Variants in RALYL observed in about 807,000 individuals in gnomAD.
The protein encoded by RALYL is RNA-binding Raly-like protein.
In RALYL, 29 loss-of-function variants were observed where a neutral mutation model predicts 35.1. The observed-to-expected ratio is 0.83, with a 90% CI of 0.61 to 1.13. RALYL has a LOEUF of 1.13. Ranked by LOEUF, RALYL falls within the 50% of genes most tolerant of loss-of-function variation. The probability of loss-of-function intolerance (pLI) is 0.00; values close to 1 mark genes in which losing one functional copy is unlikely to be tolerated. For missense variants in RALYL, 359 were observed against 360.4 expected (o/e 1.00, Z 0.03); for synonymous variants, 120 against 127.6 (o/e 0.94, Z 0.40).
chr8:84,487,291 C>T (rs1341688467), intron 1 of RALYL, among the ~76,000 whole-genome samples: 1 of 151,976 alleles, frequency 6.6e-6, no homozygotes, highest in Non-Finnish European at 1.5e-5. Context: ...TTTTGAGTCG[C>T]CTGCACCCTG....
At position 84,892,202 on chromosome 8, in the gene RALYL, C is replaced by T. The variant is rs139035636; in HGVS notation, c.858+4426C>T. Among the ~76,000 whole-genome samples, 14 of 152,254 alleles carry T rather than the reference C, an allele frequency of 9.2e-5. No homozygotes were observed. In the East Asian group the frequency reaches 2.7e-3, roughly 29 times the overall value. On this transcript the variant is annotated intron_variant, in intron 8 of 8. Transcript: ENST00000521268. ...AACATTTGGGAATCTATCATGTGTG[C>T]ACCAGGTGCTACCAAAAATGCAGGG...
intron 3 of RALYL, among the ~76,000 whole-genome samples, chr8:84,803,063 G>A (rs574605783): frequency 2.0e-5 from 3 of 152,160 alleles, no homozygotes; most frequent in Non-Finnish European, 4.4e-5. Context: ...AGAGGCAAGG[G>A]GGACGATGTA....
At chr8:84,502,386 C>T (rs2056770624) in intron 1 of RALYL, among the ~76,000 whole-genome samples, 1 of 151,846 alleles carries the variant, frequency 6.6e-6, no homozygotes, top group Non-Finnish European at 1.5e-5. Flanking sequence ...TCTATAAATC[C>T]CAAGCATCCC....
chr8:84,683,515 T>C (rs915300229), intron 2 of RALYL, among the ~76,000 whole-genome samples: 1 of 152,184 alleles, frequency 6.6e-6, no homozygotes, highest in Non-Finnish European at 1.5e-5. Context: ...GCTTTATGAA[T>C]CTGGGTGCTC....
At chr8:84,518,505 T>C (rs76940438) in intron 1 of RALYL, among the ~76,000 whole-genome samples, 4,466 of 152,270 alleles carry the variant, frequency 0.029, 108 homozygotes, top group Middle Eastern at 0.078. Context: ...TCATAGCAGT[T>C]GAATTTAAGG....
chr8:84,618,167 G>A (rs1820309102), intron 2 of RALYL, among the ~76,000 whole-genome samples: 1 of 151,806 alleles, frequency 6.6e-6, no homozygotes, highest in Non-Finnish European at 1.5e-5. Context: ...CAGAAGGAAT[G>A]GTACCAGTTC....
intron 4 of RALYL, among the ~76,000 whole-genome samples, chr8:84,826,469 A>G (rs1407539224): frequency 2.0e-5 from 3 of 152,112 alleles, no homozygotes; most frequent in Non-Finnish European, 4.4e-5. Context: ...CAGTTGAGAA[A>G]AAAATTTTAC....
At chr8:84,254,534 C>T (rs1265741781) in intron 1 of RALYL, among the ~76,000 whole-genome samples, 1 of 151,808 alleles carries the variant, frequency 6.6e-6, no homozygotes, top group East Asian at 1.9e-4. Context: ...AGTAAATTTT[C>T]CTTTACTTGG....
At chr8:84,313,156 G>T (rs1481174810) in intron 1 of RALYL, among the ~76,000 whole-genome samples, 1 of 152,296 alleles carries the variant, frequency 6.6e-6, no homozygotes, top group East Asian at 1.9e-4. Flanking sequence ...GCCTCCTTTA[G>T]CCATGGCTGG....
intron 8 of RALYL, among the ~76,000 whole-genome samples, chr8:84,903,594 A>G (rs1159212222): frequency 2.6e-5 from 4 of 152,104 alleles, no homozygotes; most frequent in Non-Finnish European, 4.4e-5. Flanking sequence ...CCATTGTTCT[A>G]TAAGGATGAG....
chr8:84,908,922 C>A (rs1002168454), intron 8 of RALYL, among the ~76,000 whole-genome samples: 2 of 151,142 alleles, frequency 1.3e-5, no homozygotes, highest in African/African-American at 4.9e-5. Context: ...GCATGCAGAT[C>A]GACTTGTTAT....
intron 4 of RALYL, among the ~76,000 whole-genome samples, chr8:84,817,172 G>A (rs933314717): frequency 1.3e-5 from 2 of 152,074 alleles, no homozygotes; most frequent in Non-Finnish European, 2.9e-5. Flanking sequence ...GCTAACAGCT[G>A]TAGTTCACGA....
intron 1 of RALYL, among the ~76,000 whole-genome samples, chr8:84,397,257 T>C (rs1026912691): frequency 6.6e-6 from 1 of 152,208 alleles, no homozygotes; most frequent in Non-Finnish European, 1.5e-5. Flanking sequence ...ATTTTAGTCC[T>C]GTAAGACTCC....
In RALYL at chr8:84,509,560, G is replaced by C. The variant is rs1017907440; in HGVS notation, c.-23-19739G>C. On this transcript the variant is annotated intron_variant, in intron 1 of 8. Transcript: ENST00000521268. ...ATCAGTTATTTGTTTCCTGGATCGT[G>C]CCATTGGTGCTGCATCTAAAATGTC... Among the ~76,000 whole-genome samples the C allele has an allele frequency of 5.3e-5, 8 of 152,164 alleles. No individual in the cohort carries two copies. The South Asian group carries it at 1.7e-3, about 32-fold the overall frequency.
At chr8:84,389,849 T>C (rs1860196403) in intron 1 of RALYL, among the ~76,000 whole-genome samples, 1 of 151,118 alleles carries the variant, frequency 6.6e-6, no homozygotes, top group African/African-American at 2.5e-5. Context: ...TTCTCCTGCC[T>C]AATTGCCCTG....
At chr8:84,914,285 A>G (rs897000786) in intron 8 of RALYL, among the ~76,000 whole-genome samples, 27 of 152,056 alleles carry the variant, frequency 1.8e-4, no homozygotes, top group Admixed American at 1.6e-3. Flanking sequence ...TTAGAGTACT[A>G]TCCTAAAATT....
At chr8:84,585,187 A>G (rs1199448354) in intron 2 of RALYL, among the ~76,000 whole-genome samples, 1 of 151,946 alleles carries the variant, frequency 6.6e-6, no homozygotes, top group African/African-American at 2.4e-5. Context: ...TTTCCTTTTA[A>G]GTGTCAGGTA....
intron 1 of RALYL, among the ~76,000 whole-genome samples, chr8:84,506,619 T>A (rs1000596967): frequency 6.6e-6 from 1 of 152,018 alleles, no homozygotes; most frequent in African/African-American, 2.4e-5. Flanking sequence ...ATAAAAATTT[T>A]AAAAATAATT....
chr8:84,857,624 T>G (rs1837308785), intron 5 of RALYL, among the ~76,000 whole-genome samples: 2 of 152,144 alleles, frequency 1.3e-5, no homozygotes, highest in Non-Finnish European at 2.9e-5. Flanking sequence ...ATGTGGTGTA[T>G]CTACCTGAGA....
Sources: allele counts gnomAD v4.1 joint callset (sites outside exome capture counted in the v4.1 genomes callset), GRCh38; gene constraint gnomAD v4.1.1; transcripts MANE v1.5; gene names NCBI Gene and HGNC (gene_info 2026-07-23, HGNC 2026-07-21).